The following PDE7A variants were observed in gnomAD, a reference collection of about 807,000 sequenced individuals.
PDE7A encodes phosphodiesterase 7A, also known as high affinity 3',5'-cyclic-AMP phosphodiesterase 7A.
PDE7A carries 39 observed loss-of-function variants against 64.3 expected under a neutral mutation model. The ratio of observed to expected loss-of-function variants is 0.61; its 90% CI spans 0.47 to 0.79. The LOEUF (loss-of-function observed/expected upper bound fraction) is 0.79. Among genes scored for constraint, PDE7A ranks in the 30% least tolerant of loss-of-function variants. PDE7A has a pLI of 0.00. For missense variants in PDE7A, 470 were observed against 582.8 expected (o/e 0.81, Z 1.99); for synonymous variants, 203 against 206.8 (o/e 0.98, Z 0.16).
chr8:65,841,561 C>G lies in PDE7A; in HGVS notation c.-53G>C, dbSNP rs1397726007. The G allele has an allele frequency of 2.3e-5, 29 of 1,239,780 alleles. No individual in the cohort carries two copies. The highest frequency in any genetic ancestry group is 4.1e-5 in the Admixed American group (1 of 24,102). 76.8% of individuals were successfully genotyped at this position (1,239,780 alleles called of 1,614,324 possible). A position where few individuals can be genotyped will look rare whatever the true frequency, so the allele number is the denominator to read the frequency against. On this transcript the variant is annotated 5_prime_UTR_variant, in exon 1 of 13. Coordinates refer to ENST00000401827, the MANE Select transcript of PDE7A (RefSeq NM_001242318.3). Reference sequence around the variant, plus strand: ...GCGCCCGCCCTGCCGCGGCCGCCGGCCCCTGCAGTGGGAGGGGGCCGCGGC... The same window carrying G: ...GCGCCCGCCCTGCCGCGGCCGCCGGGCCCTGCAGTGGGAGGGGGCCGCGGC...
chr8:65,762,473 G>C (rs1417950563), intron 3 of PDE7A, among the ~76,000 whole-genome samples: 1 of 152,170 alleles, frequency 6.6e-6, no homozygotes, highest in Non-Finnish European at 1.5e-5. Context: ...TTAGGAATTA[G>C]ACACATCTGA....
chr8:65,776,684 T>C (rs1242544955), intron 3 of PDE7A, among the ~76,000 whole-genome samples: 2 of 152,214 alleles, frequency 1.3e-5, no homozygotes, highest in Admixed American at 1.3e-4. Context: ...ATATATTATG[T>C]TAATTTTGTC....
chr8:65,737,808 C>T (rs1329600131), intron 6 of PDE7A, among the ~76,000 whole-genome samples: 1 of 152,168 alleles, frequency 6.6e-6, no homozygotes, highest in Non-Finnish European at 1.5e-5. Context: ...CGTGAGCCAC[C>T]ATGCCCAGCA....
intron 1 of PDE7A, among the ~76,000 whole-genome samples, chr8:65,793,500 G>T (rs571376550): frequency 2.7e-4 from 36 of 135,600 alleles, no homozygotes; most frequent in Admixed American, 5.0e-4. Flanking sequence ...AAAAAAAAAA[G>T]GCAAATATGG....
In PDE7A at chr8:65,726,905, C is replaced by G. The variant is rs1466351253; in HGVS notation, c.890G>C (p.Gly297Ala). The change falls in exon 9 of 13, where the codon GGC becomes GCC. Residue 297 changes from glycine (G) to alanine (A), a missense_variant. Coordinates refer to ENST00000401827, the MANE Select transcript of PDE7A (RefSeq NM_001242318.3). The part of the protein sequence containing the change: ...RSAVGLLRES[G>A]LFSHLPLESR... ...TTCTAATGGCAGATGTGAGAATAAG[C>G]CTGATTCTCTCAATAAGCCCACTGC... 6.2e-7 allele frequency: 1 copy of G among 1,605,114 alleles called. No homozygotes were observed. The highest frequency in any genetic ancestry group is 1.3e-5 in the African/African-American group (1 of 74,838).
chr8:65,747,569 T>C, intron 4 of PDE7A, 83 bp downstream of exon 4: 1 of 812,952 alleles, frequency 1.2e-6, no homozygotes, highest in Middle Eastern at 3.4e-4. Flanking sequence ...AAAAAGACTC[T>C]ATAAATCATT....
In PDE7A at chr8:65,795,006, G is replaced by A. The variant is rs543099051; in HGVS notation, c.139-12163C>T. Among the ~76,000 whole-genome samples, 12 of 152,282 alleles carry A rather than the reference G, an allele frequency of 7.9e-5. No individual in the cohort carries two copies. In the South Asian group the frequency reaches 2.3e-3, roughly 29 times the overall value. On this transcript the variant is annotated intron_variant, in intron 1 of 12. Transcript: ENST00000401827. ...CAGGCAGTGGGGAAAAGAGCCCCAG[G>A]CAGAAAGAGCAATATGTACAAATTA...
intron 3 of PDE7A, chr8:65,771,092 T>C (rs576658415): frequency 2.6e-5 from 9 of 341,242 alleles, no homozygotes; most frequent in South Asian, 1.9e-4. Flanking sequence ...TATTGTGGCA[T>C]CTACATAATA....
intron 1 of PDE7A, among the ~76,000 whole-genome samples, chr8:65,826,980 T>C (rs1234117576): frequency 6.6e-6 from 1 of 152,222 alleles, no homozygotes; most frequent in Non-Finnish European, 1.5e-5. Context: ...TCTGAGTTTC[T>C]GGGACTCCAG....
intron 1 of PDE7A, among the ~76,000 whole-genome samples, chr8:65,806,391 G>A (rs1036244232): frequency 1.3e-5 from 2 of 152,130 alleles, no homozygotes; most frequent in Non-Finnish European, 2.9e-5. Flanking sequence ...ATTGAGTATA[G>A]AGTTTATTTT....
intron 4 of PDE7A, among the ~76,000 whole-genome samples, chr8:65,747,137 A>G (rs1012964710): frequency 6.6e-6 from 1 of 152,200 alleles, no homozygotes; most frequent in Non-Finnish European, 1.5e-5. Flanking sequence ...GCAAGAGACT[A>G]TCAAGACTCA....
At chr8:65,831,151 G>C (rs1339236341) in intron 1 of PDE7A, among the ~76,000 whole-genome samples, 2 of 152,022 alleles carry the variant, frequency 1.3e-5, no homozygotes, top group Non-Finnish European at 2.9e-5. Flanking sequence ...CAAGTTCTTT[G>C]AAAGGCTGTA....
chr8:65,754,897 G>A (rs1452669806), intron 3 of PDE7A, among the ~76,000 whole-genome samples: 11 of 150,134 alleles, frequency 7.3e-5, no homozygotes, highest in South Asian at 4.2e-4. Flanking sequence ...CCCGGGAGGC[G>A]GAGGTTGCAG....
At position 65,739,565 on chromosome 8, in the gene PDE7A, A is replaced by G; in HGVS notation, c.532T>C (p.Phe178Leu). The change falls in exon 6 of 13, where the codon TTT becomes CTT. Residue 178 changes from phenylalanine (F) to leucine (L), a missense_variant. By Grantham distance (22) the Phe-to-Leu change is conservative. Coordinates refer to ENST00000401827, the MANE Select transcript of PDE7A (RefSeq NM_001242318.3). ...TACTCAATTAATCCATGAAGACTAA[A>G]TAAATGAAAGGTTAAGCTTACTAGA... ...NSLVSLTFHL[F>L]SLHGLIEYFH... is the part of the protein sequence containing the mutation. The G allele has an allele frequency of 6.4e-6, 10 of 1,559,578 alleles. No individual in the cohort carries two copies. The highest frequency in any genetic ancestry group is 8.6e-6 in the Non-Finnish European group (10 of 1,158,664).
intron 1 of PDE7A, among the ~76,000 whole-genome samples, chr8:65,790,793 G>A (rs971708734): frequency 1.3e-5 from 2 of 152,054 alleles, no homozygotes; most frequent in East Asian, 3.9e-4. Flanking sequence ...ATATGAGACC[G>A]TCAAGGTCTC....
Position 65,716,756 on chromosome 8 carries a change from C to G in PDE7A, c.*2534G>C, listed in dbSNP as rs1003634047. On this transcript the variant is annotated 3_prime_UTR_variant, in exon 13 of 13. Transcript: ENST00000401827. ...GTGGGTTTGCCATGATAGTTCCACTCTCTATGTACTGAAACAGTGGGCCTG... is the reference window on the plus strand; with the variant it reads ...GTGGGTTTGCCATGATAGTTCCACTGTCTATGTACTGAAACAGTGGGCCTG... Among the ~76,000 whole-genome samples the G allele has an allele frequency of 6.6e-6, 1 of 152,204 alleles. No individual in the cohort carries two copies. The highest frequency in any genetic ancestry group is 1.5e-5 in the Non-Finnish European group (1 of 68,028).
chr8:65,739,624 T>A (rs757329827), intron 5 of PDE7A, 27 bp from the exon 6 acceptor site: 1 of 1,474,580 alleles, frequency 6.8e-7, no homozygotes, highest in Middle Eastern at 1.9e-4. Flanking sequence ...GACATTACAT[T>A]AGTAGGAAAT....
chr8:65,783,710 G>A (rs910163869), intron 1 of PDE7A, among the ~76,000 whole-genome samples: 1 of 151,896 alleles, frequency 6.6e-6, no homozygotes, highest in Admixed American at 6.6e-5. Context: ...CTGCATCCCT[G>A]GTCTCTAAAA....
chr8:65,789,531 T>C (rs1355637452), intron 1 of PDE7A, among the ~76,000 whole-genome samples: 2 of 152,226 alleles, frequency 1.3e-5, no homozygotes, highest in African/African-American at 4.8e-5. Context: ...TATCTATGCT[T>C]CTTAACATTA....
Sources: gnomAD v4.1 joint callset for allele counts (sites outside exome capture counted in the v4.1 genomes callset) on GRCh38, gnomAD v4.1.1 for gene constraint, MANE v1.5 for transcripts, NCBI Gene and HGNC (gene_info 2026-07-23, HGNC 2026-07-21) for gene names.